The following IMPG1 variants were observed in gnomAD, a reference collection of about 807,000 sequenced individuals.
IMPG1 encodes the protein interphotoreceptor matrix proteoglycan of 150 kDa.
In IMPG1, 85 loss-of-function variants were observed where a neutral mutation model predicts 92.0. The ratio of observed to expected loss-of-function variants is 0.92; its 90% CI spans 0.78 to 1.11. The LOEUF (loss-of-function observed/expected upper bound fraction) is 1.11. Among genes scored for constraint, IMPG1 ranks in the 50% least tolerant of loss-of-function variants. The pLI is 0.00. For missense variants in IMPG1, 1,022 were observed against 956.0 expected, an observed-to-expected ratio of 1.07 and a Z score of -0.91; for synonymous variants, 367 against 334.1, an observed-to-expected ratio of 1.10 and a Z score of -1.08.
chr6:75,978,439 T>G (rs1187821853), intron 12 of IMPG1, among the ~76,000 whole-genome samples: 1 of 152,226 alleles, frequency 6.6e-6, no homozygotes, highest in Non-Finnish European at 1.5e-5. Context: ...CATTTGTATC[T>G]ATTAATGCCC....
intron 12 of IMPG1, among the ~76,000 whole-genome samples, chr6:75,960,443 G>A (rs895519945): frequency 6.6e-6 from 1 of 152,170 alleles, no homozygotes; most frequent in South Asian, 2.1e-4. Flanking sequence ...AGGGTTGCTT[G>A]ATAAAATACA....
intron 14 of IMPG1, among the ~76,000 whole-genome samples, chr6:75,939,617 A>T (rs1356688863): frequency 6.6e-6 from 1 of 152,036 alleles, no homozygotes; most frequent in Admixed American, 6.5e-5. Flanking sequence ...ACATTTGACA[A>T]CCTCCTTTTT....
intron 15 of IMPG1, 85 bp from the exon 16 acceptor site, chr6:75,923,791 T>G: frequency 1.3e-6 from 1 of 761,402 alleles, no homozygotes; most frequent in Non-Finnish European, 2.2e-6. Context: ...TGTTTTAGTT[T>G]TAACATCATG....
At chr6:76,030,887 C>A (rs1015410300) in intron 4 of IMPG1, among the ~76,000 whole-genome samples, 3 of 152,126 alleles carry the variant, frequency 2.0e-5, no homozygotes, top group Non-Finnish European at 4.4e-5. Flanking sequence ...CTCCATCCAG[C>A]CTGTCCACTG....
chr6:76,040,662 G>A (rs1282248344), intron 2 of IMPG1, among the ~76,000 whole-genome samples: 1 of 152,134 alleles, frequency 6.6e-6, no homozygotes, highest in Admixed American at 6.5e-5. Context: ...TGATCCAGTA[G>A]TTTTCACTTT....
chr6:76,004,233 C>G (rs1433428819), intron 10 of IMPG1, among the ~76,000 whole-genome samples: 1 of 152,088 alleles, frequency 6.6e-6, no homozygotes, highest in Non-Finnish European at 1.5e-5. Context: ...ACCAAGCAGG[C>G]TGGCTAATTA....
At chr6:75,989,777 A>G (rs571512620) in intron 12 of IMPG1, among the ~76,000 whole-genome samples, 1 of 152,316 alleles carries the variant, frequency 6.6e-6, no homozygotes, top group East Asian at 1.9e-4. Flanking sequence ...CATGAGGTGG[A>G]GGCTGCAGTG....
chr6:76,017,279 T>C (rs1023475562), intron 7 of IMPG1, among the ~76,000 whole-genome samples: 1 of 151,492 alleles, frequency 6.6e-6, no homozygotes, highest in African/African-American at 2.4e-5. Context: ...CTGCAGGGAA[T>C]TGAAGAGATT....
At chr6:76,031,210 G>A (rs1293149566) in intron 4 of IMPG1, among the ~76,000 whole-genome samples, 1 of 152,220 alleles carries the variant, frequency 6.6e-6, no homozygotes, top group Admixed American at 6.5e-5. Context: ...CTATAAGCAA[G>A]TAGGTCCCAA....
intron 12 of IMPG1, among the ~76,000 whole-genome samples, chr6:75,988,692 T>C (rs1207317268): frequency 6.6e-6 from 1 of 152,194 alleles, no homozygotes; most frequent in Non-Finnish European, 1.5e-5. Context: ...CTGCTTCCTT[T>C]AACTAGTTCT....
intron 1 of IMPG1, among the ~76,000 whole-genome samples, chr6:76,068,758 C>G (rs1784354099): frequency 6.6e-6 from 1 of 151,864 alleles, no homozygotes; most frequent in Non-Finnish European, 1.5e-5. Context: ...CTCAAGAGAT[C>G]CGCCCACCTC....
At chr6:76,042,890 A>G (rs1783869944) in intron 1 of IMPG1, among the ~76,000 whole-genome samples, 1 of 152,174 alleles carries the variant, frequency 6.6e-6, no homozygotes, top group South Asian at 2.1e-4. Flanking sequence ...AGATTCATCA[A>G]ACACTTTTTA....
At chr6:76,054,249 A>G (rs1472849151) in intron 1 of IMPG1, among the ~76,000 whole-genome samples, 2 of 152,232 alleles carry the variant, frequency 1.3e-5, no homozygotes, top group Non-Finnish European at 2.9e-5. Context: ...AGCCTGGCAC[A>G]TTGTTACCTG....
chr6:75,976,529 C>A (rs1782536374), intron 12 of IMPG1, among the ~76,000 whole-genome samples: 1 of 151,938 alleles, frequency 6.6e-6, no homozygotes, highest in Non-Finnish European at 1.5e-5. Flanking sequence ...CCACTGCACT[C>A]CAGCCTGGGC....
At chr6:76,061,208 A>T (rs115035264) in intron 1 of IMPG1, among the ~76,000 whole-genome samples, 1 of 152,194 alleles carries the variant, frequency 6.6e-6, no homozygotes, top group African/African-American at 2.4e-5. Flanking sequence ...CAAATATATA[A>T]TCTAATAAAT....
At chr6:75,972,389 C>CA (rs965312805) in intron 12 of IMPG1, among the ~76,000 whole-genome samples, 6 of 152,186 alleles carry the variant, frequency 3.9e-5, no homozygotes, top group Non-Finnish European at 4.4e-5. Context: ...CACCCACGCC[C>CA]ACCCACCCAT....
Position 76,022,230 on chromosome 6 carries a change from T to G in IMPG1, c.563-11A>C. 6.6e-7 allele frequency: 1 copy of G among 1,518,732 alleles called. No individual in the cohort carries two copies. Among genetic ancestry groups the G allele is most frequent in the Middle Eastern group, 1.8e-4 (1 of 5,698 alleles). 94.1% of individuals were successfully genotyped at this position (1,518,732 alleles called of 1,614,324 possible). A position where few individuals can be genotyped will look rare whatever the true frequency, so the allele number is the denominator to read the frequency against. On this transcript the variant is annotated splice_polypyrimidine_tract_variant and intron_variant, in intron 5 of 16. Coordinates refer to ENST00000369950, the MANE Select transcript of IMPG1 (RefSeq NM_001563.4). ...AGACGTTGGCAACATCTGTGAAAAT[T>G]TTAAAAATTAAAGACACAAAAATGA...
chr6:75,943,177 A>G (rs1387607204), intron 14 of IMPG1, among the ~76,000 whole-genome samples: 2 of 152,120 alleles, frequency 1.3e-5, no homozygotes, highest in African/African-American at 2.4e-5. Context: ...TGGGGTCGCT[A>G]TCTCCTCCTC....
intron 12 of IMPG1, among the ~76,000 whole-genome samples, chr6:75,961,476 T>C (rs752731952): frequency 6.6e-6 from 1 of 152,100 alleles, no homozygotes; most frequent in Non-Finnish European, 1.5e-5. Flanking sequence ...ATATAAGTGA[T>C]CAAAGATAAA....
Sources: gnomAD v4.1 joint callset for allele counts (sites outside exome capture counted in the v4.1 genomes callset) on GRCh38, gnomAD v4.1.1 for gene constraint, MANE v1.5 for transcripts, NCBI Gene and HGNC (gene_info 2026-07-23, HGNC 2026-07-21) for gene names.